Variants in SIPA1L2 observed in about 807,000 individuals in gnomAD.
SIPA1L2 encodes the protein signal induced proliferation associated 1 like 2.
A neutral mutation model predicts 163.9 loss-of-function variants in SIPA1L2; 56 were observed. The ratio of observed to expected loss-of-function variants is 0.34; its 90% CI spans 0.28 to 0.43. The LOEUF (loss-of-function observed/expected upper bound fraction) is 0.43, where lower values mean the gene tolerates loss of function less well. Ranked by LOEUF, SIPA1L2 falls within the 20% of genes least tolerant of loss-of-function variation. The probability of loss-of-function intolerance (pLI) is 1.00; values close to 1 mark genes in which losing one functional copy is unlikely to be tolerated. For missense variants in SIPA1L2, 1,974 were observed against 2,193.5 expected, an observed-to-expected ratio of 0.90 and a Z score of 2.00; for synonymous variants, 877 against 865.7, an observed-to-expected ratio of 1.01 and a Z score of -0.23.
Position 232,399,092 on chromosome 1 carries a change from A to T in SIPA1L2, c.*35T>A. The T allele has an allele frequency of 6.2e-7, 1 of 1,613,464 alleles. No homozygotes were observed. The highest frequency in any genetic ancestry group is 8.5e-7 in the Non-Finnish European group (1 of 1,179,614). On this transcript the variant is annotated 3_prime_UTR_variant, in exon 23 of 23. Coordinates refer to ENST00000674635, the MANE Select transcript of SIPA1L2 (RefSeq NM_020808.5). ...TTGTGACTTCAAAGGGACAAGGGGC[A>T]TTTCCCAGTGGTCCCTTGATGAGGT...
chr1:232,588,944 A>G (rs1002515983), intron 1 of SIPA1L2, among the ~76,000 whole-genome samples: 1 of 152,022 alleles, frequency 6.6e-6, no homozygotes, highest in Non-Finnish European at 1.5e-5. Flanking sequence ...TCCCTTTTTT[A>G]TTTCTGATAT....
chr1:232,471,338 G>T (rs777195560), intron 8 of SIPA1L2, 33 bp downstream of exon 8: 1 of 1,576,418 alleles, frequency 6.3e-7, no homozygotes, highest in Non-Finnish European at 8.6e-7. Flanking sequence ...AAATAAACCT[G>T]GGAGAATGAT....
chr1:232,432,619 C>A, intron 15 of SIPA1L2, 148 bp from the exon 16 acceptor site: 2 of 686,938 alleles, frequency 2.9e-6, no homozygotes, highest in Non-Finnish European at 4.9e-6. Context: ...TTCTTTCTAC[C>A]ATGGAGCTTG....
intron 1 of SIPA1L2, among the ~76,000 whole-genome samples, chr1:232,619,856 C>T (rs888259158): frequency 6.6e-6 from 1 of 152,130 alleles, no homozygotes; most frequent in African/African-American, 2.4e-5. Context: ...TCTGCAATAG[C>T]AGGATATTCT....
chr1:232,404,427 C>A (rs548609924), intron 19 of SIPA1L2, among the ~76,000 whole-genome samples: 28 of 152,234 alleles, frequency 1.8e-4, no homozygotes, highest in African/African-American at 6.7e-4. Context: ...ATGGATCCAA[C>A]CATGAGCATA....
chr1:232,466,372 A>T (rs184006450), intron 8 of SIPA1L2, among the ~76,000 whole-genome samples: 2 of 152,366 alleles, frequency 1.3e-5, no homozygotes, highest in South Asian at 4.1e-4. Context: ...TCAAATGCAT[A>T]GTGTTAATAA....
At chr1:232,536,724 T>C (rs1002995431) in intron 2 of SIPA1L2, among the ~76,000 whole-genome samples, 1 of 152,180 alleles carries the variant, frequency 6.6e-6, no homozygotes, top group Non-Finnish European at 1.5e-5. Context: ...AACTGCAATA[T>C]TGCTATGGAT....
intron 6 of SIPA1L2, 138 bp downstream of exon 6, chr1:232,483,654 A>G: frequency 1.2e-6 from 1 of 865,748 alleles, no homozygotes; most frequent in South Asian, 1.7e-5. Context: ...GAGGAAATCT[A>G]AACTCTATTC....
chr1:232,582,692 G>A (rs942613270), intron 1 of SIPA1L2, among the ~76,000 whole-genome samples: 1 of 152,096 alleles, frequency 6.6e-6, no homozygotes, highest in Admixed American at 6.5e-5. Flanking sequence ...TTGCTGGGTC[G>A]AATGGTAGTT....
At chr1:232,451,469 A>G (rs1461895854) in intron 10 of SIPA1L2, among the ~76,000 whole-genome samples, 4 of 152,220 alleles carry the variant, frequency 2.6e-5, no homozygotes, top group Non-Finnish European at 2.9e-5. Context: ...TGAGTTAAAT[A>G]AAGGCTAACT....
intron 2 of SIPA1L2, among the ~76,000 whole-genome samples, chr1:232,516,512 T>C (rs1017613580): frequency 3.3e-5 from 5 of 152,216 alleles, no homozygotes; most frequent in Non-Finnish European, 7.3e-5. Context: ...GTCTGTTCTG[T>C]CCTGTGCATG....
At chr1:232,618,303 T>G (rs1329757187) in intron 1 of SIPA1L2, among the ~76,000 whole-genome samples, 2 of 152,182 alleles carry the variant, frequency 1.3e-5, no homozygotes, top group Non-Finnish European at 2.9e-5. Flanking sequence ...GCGGAAGGGA[T>G]GCTCAGGCGA....
At chr1:232,562,434 C>A (rs1055748648) in intron 2 of SIPA1L2, among the ~76,000 whole-genome samples, 1 of 152,118 alleles carries the variant, frequency 6.6e-6, no homozygotes, top group Non-Finnish European at 1.5e-5. Flanking sequence ...CAAAGCTACA[C>A]AGGAATTCTA....
At chr1:232,401,275 C>T (rs532490399) in intron 22 of SIPA1L2, among the ~76,000 whole-genome samples, 72 of 152,318 alleles carry the variant, frequency 4.7e-4, no homozygotes, top group African/African-American at 1.7e-3. Flanking sequence ...TCCTAGAAAA[C>T]TTCTCCATCC....
chr1:232,475,800 C>A (rs1665015922), intron 7 of SIPA1L2, among the ~76,000 whole-genome samples: 1 of 152,130 alleles, frequency 6.6e-6, no homozygotes, highest in Admixed American at 6.5e-5. Flanking sequence ...ACAAAATAAT[C>A]TAAGAATGCA....
At chr1:232,542,044 C>T (rs1657716550) in intron 2 of SIPA1L2, among the ~76,000 whole-genome samples, 2 of 152,118 alleles carry the variant, frequency 1.3e-5, no homozygotes, top group South Asian at 4.2e-4. Flanking sequence ...ACATCTGATA[C>T]ATAAAAGTAT....
chr1:232,414,180 T>C (rs1258820777), intron 19 of SIPA1L2, among the ~76,000 whole-genome samples: 2 of 152,192 alleles, frequency 1.3e-5, no homozygotes, highest in African/African-American at 4.8e-5. Flanking sequence ...GTCTCGTTCC[T>C]TCCATTTAGG....
chr1:232,404,270 G>C (rs939017745), intron 19 of SIPA1L2, 92 bp from the exon 20 acceptor site: 5 of 959,556 alleles, frequency 5.2e-6, no homozygotes, highest in African/African-American at 3.2e-5. Flanking sequence ...GTGTGAAGTA[G>C]TGTGTGTGTG....
intron 9 of SIPA1L2, among the ~76,000 whole-genome samples, chr1:232,463,736 A>C (rs1328408131): frequency 1.3e-5 from 2 of 152,244 alleles, no homozygotes; most frequent in African/African-American, 4.8e-5. Flanking sequence ...ACTCACCAGT[A>C]TAATTCAAGT....
Sources: gnomAD v4.1 joint callset for allele counts (sites outside exome capture counted in the v4.1 genomes callset) on GRCh38, gnomAD v4.1.1 for gene constraint, MANE v1.5 for transcripts, NCBI Gene and HGNC (gene_info 2026-07-23, HGNC 2026-07-21) for gene names.